DSCAM: variants seen among roughly 807,000 people sequenced by gnomAD.
DSCAM encodes cell adhesion molecule DSCAM.
Under a neutral mutation model 217.7 loss-of-function variants are expected in DSCAM, and 47 were observed. That is an observed-to-expected ratio of 0.22 (90% CI 0.17 to 0.28). DSCAM has a LOEUF of 0.28. DSCAM is among the 10% of genes least tolerant of loss of function. The pLI is 1.00. For missense variants in DSCAM, 2,080 were observed against 2,618.3 expected, an observed-to-expected ratio of 0.79 and a Z score of 4.49; for synonymous variants, 1,056 against 1,015.3, an observed-to-expected ratio of 1.04 and a Z score of -0.76.
chr21:40,430,967 G>A lies in DSCAM; in HGVS notation c.509-61722C>T, dbSNP rs539973622. Among the ~76,000 whole-genome samples, 7 of 152,340 alleles carry A rather than the reference G, an allele frequency of 4.6e-5. No homozygotes were observed. The South Asian group carries it at 1.5e-3, about 32-fold the overall frequency. ...AGAGAAGCCGCTACTGAGACAGCTG[G>A]AGAGGGAGAAAAACAACTGCAAAAT... On this transcript the variant is annotated intron_variant, in intron 3 of 32. Transcript: ENST00000400454.
chr21:40,750,295 T>G (rs995319990), intron 1 of DSCAM, among the ~76,000 whole-genome samples: 2 of 152,136 alleles, frequency 1.3e-5, no homozygotes, highest in African/African-American at 4.8e-5. Context: ...TCCCCTCCAC[T>G]CCACTGAACA....
intron 3 of DSCAM, among the ~76,000 whole-genome samples, chr21:40,650,743 A>G (rs1178738815): frequency 6.6e-6 from 1 of 152,174 alleles, no homozygotes; most frequent in Non-Finnish European, 1.5e-5. Context: ...ATGAAACCCC[A>G]TCTCTACTAA....
rs190217181 is a variant in DSCAM, at chr21:40,284,722, C to T, written c.2183-8452G>A. Among the ~76,000 whole-genome samples the T allele has an allele frequency of 9.2e-5, 14 of 152,238 alleles. No homozygotes were observed. In the East Asian group the frequency reaches 1.2e-3, roughly 13 times the overall value. ...TACACTTCTCAGGTGCTTAAAGGGC[C>T]GCGCAGTTTGTCCACGCTTCAAAGG... On this transcript the variant is annotated intron_variant, in intron 10 of 32. Coordinates refer to ENST00000400454, the MANE Select transcript of DSCAM (RefSeq NM_001389.5).
chr21:40,055,918 C>G lies in DSCAM; in HGVS notation c.4920-78G>C, dbSNP rs2837400. 6.5e-3 allele frequency: 6,909 copies of G among 1,057,270 alleles called. 309 individuals carry two copies. The African/African-American group carries it at 0.094, about 14-fold the overall frequency. The allele number at this position is 1,057,270 out of a possible 1,614,324, so 65.5% of individuals were successfully genotyped here. A position where few individuals can be genotyped will look rare whatever the true frequency, so the allele number is the denominator to read the frequency against. On this transcript the variant is annotated intron_variant, in intron 28 of 32. Coordinates refer to ENST00000400454, the MANE Select transcript of DSCAM (RefSeq NM_001389.5). ...CTACCAACATGCACCTGTATACCAA[C>G]TTAGTTTATTGTCTAAATATACAAA...
At chr21:40,764,108 C>T (rs1468967474) in intron 1 of DSCAM, among the ~76,000 whole-genome samples, 3 of 152,106 alleles carry the variant, frequency 2.0e-5, no homozygotes, top group Admixed American at 2.0e-4. Context: ...ATCTAATTAA[C>T]TAAAGAGCTT....
intron 4 of DSCAM, among the ~76,000 whole-genome samples, chr21:40,354,153 G>C (rs1452279237): frequency 2.6e-5 from 4 of 152,130 alleles, no homozygotes; most frequent in Admixed American, 2.6e-4. Context: ...CAGATCAGTG[G>C]AATGACTATG....
chr21:40,365,421 C>G (rs975506803), intron 4 of DSCAM, among the ~76,000 whole-genome samples: 3 of 152,174 alleles, frequency 2.0e-5, no homozygotes, highest in African/African-American at 7.2e-5. Flanking sequence ...CTGAAGGGTG[C>G]ACTGTTGGCT....
intron 32 of DSCAM, among the ~76,000 whole-genome samples, chr21:40,041,900 C>T (rs945353254): frequency 6.6e-6 from 1 of 152,172 alleles, no homozygotes; most frequent in Non-Finnish European, 1.5e-5. Flanking sequence ...ATCAGGGTTT[C>T]TTGGGCTCTG....
chr21:40,755,471 T>TA (rs758605687), intron 1 of DSCAM, among the ~76,000 whole-genome samples: 1 of 139,386 alleles, frequency 7.2e-6, no homozygotes, highest in Non-Finnish European at 1.6e-5. Flanking sequence ...AAATAAAAAA[T>TA]AAAAAAGTTT....
At chr21:40,073,617 T>C (rs982986209) in intron 27 of DSCAM, among the ~76,000 whole-genome samples, 2 of 152,212 alleles carry the variant, frequency 1.3e-5, no homozygotes, top group African/African-American at 4.8e-5. Context: ...GTAGCCTCCC[T>C]TTTCCTCTCC....
chr21:40,681,135 G>C (rs1184806770), intron 3 of DSCAM, among the ~76,000 whole-genome samples: 1 of 152,224 alleles, frequency 6.6e-6, no homozygotes, highest in Non-Finnish European at 1.5e-5. Flanking sequence ...TGAGTCGTTT[G>C]TCCATTAACA....
chr21:40,605,889 C>T (rs2089231029), intron 3 of DSCAM, among the ~76,000 whole-genome samples: 1 of 149,426 alleles, frequency 6.7e-6, no homozygotes, highest in African/African-American at 2.5e-5. Flanking sequence ...CAACCTCCAC[C>T]TCCCAGGTTC....
intron 32 of DSCAM, among the ~76,000 whole-genome samples, chr21:40,036,659 C>G (rs1009495750): frequency 6.8e-6 from 1 of 147,066 alleles, no homozygotes; most frequent in African/African-American, 2.7e-5. Context: ...CTCCCTAACT[C>G]ATTTTATGAG....
At chr21:40,330,918 G>A (rs957660045) in intron 8 of DSCAM, among the ~76,000 whole-genome samples, 7 of 151,842 alleles carry the variant, frequency 4.6e-5, no homozygotes, top group Admixed American at 3.3e-4. Context: ...TATATTTCTC[G>A]TGTATTATTC....
intron 1 of DSCAM, among the ~76,000 whole-genome samples, chr21:40,726,688 T>C (rs2090958908): frequency 6.6e-6 from 1 of 152,160 alleles, no homozygotes; most frequent in Non-Finnish European, 1.5e-5. Context: ...GCAGCACAAT[T>C]TGTCTGATTC....
intron 3 of DSCAM, among the ~76,000 whole-genome samples, chr21:40,611,744 T>C (rs895690248): frequency 6.6e-6 from 1 of 152,344 alleles, no homozygotes; most frequent in African/African-American, 2.4e-5. Context: ...GCTATGCAAA[T>C]AGCTCTGAAC....
At chr21:40,804,883 C>T (rs534367095) in intron 1 of DSCAM, among the ~76,000 whole-genome samples, 2 of 152,152 alleles carry the variant, frequency 1.3e-5, no homozygotes, top group Non-Finnish European at 1.5e-5. Flanking sequence ...TTGTACCCCA[C>T]CCAATTGTAT....
At chr21:40,193,387 T>C (rs1352930952) in intron 11 of DSCAM, among the ~76,000 whole-genome samples, 2 of 152,022 alleles carry the variant, frequency 1.3e-5, no homozygotes, top group African/African-American at 4.8e-5. Context: ...TAATTAGAGA[T>C]CTCAAAGCCA....
At chr21:40,784,320 C>T (rs4488752) in intron 1 of DSCAM, among the ~76,000 whole-genome samples, 42,188 of 151,928 alleles carry the variant, frequency 0.28, 6,650 homozygotes, top group African/African-American at 0.42. Flanking sequence ...ACCCCTTTCG[C>T]TAGGCTCTGA....
Sources: gnomAD v4.1 joint callset for allele counts (sites outside exome capture counted in the v4.1 genomes callset) on GRCh38, gnomAD v4.1.1 for gene constraint, MANE v1.5 for transcripts, NCBI Gene and HGNC (gene_info 2026-07-23, HGNC 2026-07-21) for gene names.